DKK2: variants seen among roughly 807,000 people sequenced by gnomAD.
The protein encoded by DKK2 is dickkopf Wnt signaling pathway inhibitor 2, also known as dickkopf-related protein 2.
In DKK2, 11 loss-of-function variants were observed where a neutral mutation model predicts 28.1. The observed-to-expected ratio is 0.39, with a 90% CI of 0.25 to 0.65. DKK2 has a LOEUF of 0.65. Among genes scored for constraint, DKK2 ranks in the 30% least tolerant of loss-of-function variants. The pLI is 0.47. For missense variants in DKK2, 326 were observed against 335.5 expected (o/e 0.97, Z 0.22); for synonymous variants, 135 against 126.5 (o/e 1.07, Z -0.45).
At chr4:106,996,946 T>C (rs1578372378) in intron 1 of DKK2, among the ~76,000 whole-genome samples, 2 of 152,284 alleles carry the variant, frequency 1.3e-5, no homozygotes, top group East Asian at 3.9e-4. Context: ...AACCTGCTCA[T>C]GTAACCCCCG....
intron 1 of DKK2, among the ~76,000 whole-genome samples, chr4:106,981,201 T>A (rs930154240): frequency 1.3e-5 from 2 of 152,010 alleles, no homozygotes; most frequent in African/African-American, 4.8e-5. Context: ...TAAAGATACT[T>A]GAAGGGGTGG....
intron 1 of DKK2, among the ~76,000 whole-genome samples, chr4:106,983,167 T>C (rs554910963): frequency 6.6e-6 from 1 of 151,946 alleles, no homozygotes; most frequent in East Asian, 1.9e-4. Context: ...GGATGATGTC[T>C]TAAATATTTA....
chr4:107,009,983 G>T (rs1723493926), intron 1 of DKK2, among the ~76,000 whole-genome samples: 2 of 151,616 alleles, frequency 1.3e-5, no homozygotes, highest in Non-Finnish European at 3.0e-5. Context: ...TACTTCAAAA[G>T]AATTTATTTT....
chr4:106,959,787 T>C (rs1722658958), intron 1 of DKK2, among the ~76,000 whole-genome samples: 3 of 152,126 alleles, frequency 2.0e-5, no homozygotes. Flanking sequence ...TTGTGAAACC[T>C]AGTTGCCTTT....
chr4:106,977,103 G>T (rs1468669177), intron 1 of DKK2, among the ~76,000 whole-genome samples: 1 of 152,218 alleles, frequency 6.6e-6, no homozygotes, highest in Non-Finnish European at 1.5e-5. Context: ...TCTGCAGAGA[G>T]ATCTGCTGTT....
chr4:106,931,491 T>C (rs577362255), intron 1 of DKK2, among the ~76,000 whole-genome samples: 1 of 152,306 alleles, frequency 6.6e-6, no homozygotes, highest in Non-Finnish European at 1.5e-5. Flanking sequence ...TGTGTTTTTG[T>C]ATTAGTATGA....
intron 1 of DKK2, among the ~76,000 whole-genome samples, chr4:107,026,268 G>A (rs147876044): frequency 1.2e-4 from 19 of 152,158 alleles, no homozygotes; most frequent in East Asian, 5.8e-4. Context: ...ATATTCAAAC[G>A]TTTTAAAAGA....
chr4:107,002,728 A>G (rs1329761583), intron 1 of DKK2, among the ~76,000 whole-genome samples: 1 of 152,134 alleles, frequency 6.6e-6, no homozygotes, highest in Non-Finnish European at 1.5e-5. Flanking sequence ...TTCTGGGTCT[A>G]CTCCTTGTTG....
chr4:106,947,683 T>C (rs1578353107), intron 1 of DKK2, among the ~76,000 whole-genome samples: 2 of 151,670 alleles, frequency 1.3e-5, no homozygotes, highest in African/African-American at 4.8e-5. Context: ...TTCTTTTTTT[T>C]TTTTTTTTAG....
At chr4:106,988,174 C>G (rs1449395907) in intron 1 of DKK2, among the ~76,000 whole-genome samples, 6 of 152,170 alleles carry the variant, frequency 3.9e-5, no homozygotes, top group Admixed American at 2.6e-4. Context: ...CAATGTTACC[C>G]TCTTCTTGCA....
chr4:106,963,130 G>A (rs978331516), intron 1 of DKK2, among the ~76,000 whole-genome samples: 2 of 151,702 alleles, frequency 1.3e-5, no homozygotes, highest in Non-Finnish European at 1.5e-5. Flanking sequence ...TGAGGCGGGC[G>A]GATCACTAGG....
chr4:106,978,592 C>G (rs544213414), intron 1 of DKK2, among the ~76,000 whole-genome samples: 3 of 152,034 alleles, frequency 2.0e-5, no homozygotes, highest in Non-Finnish European at 4.4e-5. Context: ...CCCCTCCCCC[C>G]ACCAAGCTCA....
At chr4:107,014,374 A>T (rs566117558) in intron 1 of DKK2, among the ~76,000 whole-genome samples, 2 of 151,686 alleles carry the variant, frequency 1.3e-5, no homozygotes, top group African/African-American at 4.8e-5. Flanking sequence ...TGTTAAGTAT[A>T]ATAAGCCATG....
intron 1 of DKK2, among the ~76,000 whole-genome samples, chr4:106,949,837 C>T (rs1489743166): frequency 1.3e-5 from 2 of 151,912 alleles, no homozygotes; most frequent in Non-Finnish European, 2.9e-5. Flanking sequence ...TTTGTTGTGT[C>T]TATCTATTAG....
In DKK2 at chr4:107,031,906, G is replaced by A. The variant is rs555387957; in HGVS notation, c.222+3464C>T. 3.3e-5 allele frequency among the ~76,000 whole-genome samples: 5 copies of A among 151,892 alleles called. No individual in the cohort carries two copies. In the East Asian group the frequency reaches 7.7e-4, roughly 23 times the overall value. On this transcript the variant is annotated intron_variant, in intron 1 of 3. Transcript: ENST00000285311. ...CACCTCAAACTTTAGAGATAGTATC[G>A]AGAAATGGCATACTTCATCAAAATA...
At position 106,934,923 on chromosome 4, in the gene DKK2, T is replaced by C. The variant is rs975731870; in HGVS notation, c.223-8974A>G. 3.3e-5 allele frequency among the ~76,000 whole-genome samples: 5 copies of C among 152,326 alleles called. No homozygotes were observed. The East Asian group carries it at 5.8e-4, about 18-fold the overall frequency. ...AATGTTCCCATTTTAATGTAGAACC[T>C]ATACACAAGAAGGCAGGAAGCATTT... On this transcript the variant is annotated intron_variant, in intron 1 of 3. Transcript: ENST00000285311.
intron 1 of DKK2, among the ~76,000 whole-genome samples, chr4:107,005,266 G>A (rs188542719): frequency 3.3e-5 from 5 of 150,730 alleles, no homozygotes; most frequent in East Asian, 3.9e-4. Context: ...GCGTGAACCC[G>A]GGAGGCGGAG....
intron 1 of DKK2, among the ~76,000 whole-genome samples, chr4:107,018,182 T>A (rs1262620182): frequency 6.6e-6 from 1 of 152,100 alleles, no homozygotes; most frequent in Non-Finnish European, 1.5e-5. Flanking sequence ...TAAGTCAGTA[T>A]AACTGTTGTC....
intron 1 of DKK2, among the ~76,000 whole-genome samples, chr4:106,963,754 T>C (rs749646050): frequency 1.3e-5 from 2 of 152,164 alleles, no homozygotes; most frequent in African/African-American, 4.8e-5. Flanking sequence ...GCACTATTCA[T>C]AATAGCCAAG....
Sources: gnomAD v4.1 joint callset for allele counts (sites outside exome capture counted in the v4.1 genomes callset) on GRCh38, gnomAD v4.1.1 for gene constraint, MANE v1.5 for transcripts, NCBI Gene and HGNC (gene_info 2026-07-23, HGNC 2026-07-21) for gene names.